CHD9: variants seen among roughly 807,000 people sequenced by gnomAD.
CHD9 encodes chromodomain helicase DNA binding protein 9.
A neutral mutation model predicts 316.1 loss-of-function variants in CHD9; 77 were observed. The ratio of observed to expected loss-of-function variants is 0.24; its 90% CI spans 0.20 to 0.29. The LOEUF (loss-of-function observed/expected upper bound fraction) is 0.29, where lower values mean the gene tolerates loss of function less well. Ranked by LOEUF, CHD9 falls within the 10% of genes least tolerant of loss-of-function variation. CHD9 has a pLI of 1.00. For missense variants in CHD9, 2,763 were observed against 3,438.1 expected (o/e 0.80, Z 4.91); for synonymous variants, 1,129 against 1,158.3 (o/e 0.97, Z 0.51).
At chr16:53,068,214 AG>A (rs750111237) in intron 1 of CHD9, among the ~76,000 whole-genome samples, 2 of 152,152 alleles carry the variant, frequency 1.3e-5, no homozygotes, top group South Asian at 4.1e-4. Flanking sequence ...CTGCTGCTTA[AG>A]GTTATTAAAT....
At chr16:53,237,768 A>G (rs1353333094) in intron 11 of CHD9, among the ~76,000 whole-genome samples, 6 of 152,072 alleles carry the variant, frequency 3.9e-5, no homozygotes, top group Non-Finnish European at 7.4e-5. Flanking sequence ...CTTATTTTTG[A>G]AATTATAGCT....
rs553015728 is a variant in CHD9, at chr16:53,073,896, G to A, written c.-165+18819G>A. Among the ~76,000 whole-genome samples the A allele has an allele frequency of 1.1e-4, 17 of 152,252 alleles. No individual in the cohort carries two copies. The South Asian group carries it at 2.5e-3, about 22-fold the overall frequency. On this transcript the variant is annotated intron_variant, in intron 1 of 38. Coordinates refer to ENST00000447540, the MANE Select transcript of CHD9 (RefSeq NM_001308319.2). Reference sequence around the variant, plus strand: ...TAAATTGGTACCAGTAGAGTGGGGCGCTGCTGAAAAGATACCCAAAAATGT... The same window carrying A: ...TAAATTGGTACCAGTAGAGTGGGGCACTGCTGAAAAGATACCCAAAAATGT...
chr16:53,070,489 T>TTTCC (rs61654246), intron 1 of CHD9, among the ~76,000 whole-genome samples: 3,374 of 144,646 alleles, frequency 0.023, 57 homozygotes, highest in Non-Finnish European at 0.027. Flanking sequence ...TCTTTCTTTC[T>TTTCC]TTCCTTCCTT....
At chr16:53,222,473 A>G (rs890077670) in intron 3 of CHD9, among the ~76,000 whole-genome samples, 171 bp from the exon 4 acceptor site, 1 of 152,220 alleles carries the variant, frequency 6.6e-6, no homozygotes, top group African/African-American at 2.4e-5. Flanking sequence ...TTCCATTAGA[A>G]TAGAGTTTAT....
intron 1 of CHD9, among the ~76,000 whole-genome samples, chr16:53,087,314 G>A (rs1458308776): frequency 2.6e-5 from 4 of 152,090 alleles, no homozygotes; most frequent in Admixed American, 6.6e-5. Context: ...AGAGAACACC[G>A]GTGAATTATG....
At chr16:53,162,265 A>C (rs1373813137) in intron 2 of CHD9, among the ~76,000 whole-genome samples, 6 of 152,154 alleles carry the variant, frequency 3.9e-5, no homozygotes, top group Non-Finnish European at 8.8e-5. Context: ...TGTTGGGAGG[A>C]GGAAGAAAAA....
chr16:53,061,276 C>A (rs1446976164), intron 1 of CHD9, among the ~76,000 whole-genome samples: 2 of 152,138 alleles, frequency 1.3e-5, no homozygotes, highest in Non-Finnish European at 2.9e-5. Context: ...GACAGACACA[C>A]AAAAGGAATA....
chr16:53,231,629 G>T lies in CHD9; in HGVS notation c.2374-18G>T. 1 of 1,544,806 alleles carries T rather than the reference G, an allele frequency of 6.5e-7. No homozygotes were observed. The highest frequency in any genetic ancestry group is 8.8e-7 in the Non-Finnish European group (1 of 1,140,346). On this transcript the variant is annotated intron_variant, in intron 9 of 38. Transcript: ENST00000447540. ...TAGTGTCTTTTTCAAAATGGTAAAT[G>T]AAAAAATTTTTTTACAGCCTGTTAT...
intron 1 of CHD9, among the ~76,000 whole-genome samples, chr16:53,147,377 G>T (rs1450202643): frequency 6.6e-6 from 1 of 152,180 alleles, no homozygotes; most frequent in Non-Finnish European, 1.5e-5. Context: ...TTGACAAAAT[G>T]TGCTACTTTA....
At chr16:53,280,181 A>G (rs1001866875) in intron 24 of CHD9, among the ~76,000 whole-genome samples, 3 of 152,192 alleles carry the variant, frequency 2.0e-5, no homozygotes, top group African/African-American at 4.8e-5. Flanking sequence ...GTATTTACCC[A>G]GAGGAAAAGA....
chr16:53,287,873 A>G, intron 26 of CHD9, 84 bp from the exon 27 acceptor site: 2 of 1,134,392 alleles, frequency 1.8e-6, no homozygotes, highest in Non-Finnish European at 2.7e-6. Context: ...AAAACAAACT[A>G]AAACCCTCCA....
chr16:53,215,537 G>A (rs2046685572), intron 3 of CHD9, among the ~76,000 whole-genome samples: 1 of 152,200 alleles, frequency 6.6e-6, no homozygotes, highest in African/African-American at 2.4e-5. Context: ...GTGTGTATGT[G>A]TGTGTGTGTT....
At chr16:53,236,179 G>A (rs1259360193) in intron 11 of CHD9, among the ~76,000 whole-genome samples, 1 of 151,976 alleles carries the variant, frequency 6.6e-6, no homozygotes, top group African/African-American at 2.4e-5. Flanking sequence ...TTTTTAACTT[G>A]TCTTCCCTCA....
At chr16:53,320,477 G>A (rs895420356) in intron 37 of CHD9, among the ~76,000 whole-genome samples, 3 of 152,104 alleles carry the variant, frequency 2.0e-5, no homozygotes, top group South Asian at 2.1e-4. Flanking sequence ...AGCCAAGATC[G>A]TGCCACTACA....
intron 2 of CHD9, among the ~76,000 whole-genome samples, chr16:53,179,876 G>A (rs1177311245): frequency 1.3e-5 from 2 of 149,988 alleles, no homozygotes; most frequent in Admixed American, 6.6e-5. Context: ...TACCCTGGGC[G>A]ACGGAGTGAG....
chr16:53,296,905 A>G, intron 29 of CHD9, 51 bp from the exon 30 acceptor site: 2 of 1,178,982 alleles, frequency 1.7e-6, no homozygotes, highest in Non-Finnish European at 2.5e-6. Context: ...TAGTATTAAT[A>G]TTAATTTTAG....
chr16:53,238,622 G>A, intron 12 of CHD9, 36 bp downstream of exon 12: 3 of 1,600,584 alleles, frequency 1.9e-6, no homozygotes, highest in Non-Finnish European at 2.6e-6. Context: ...TGTTTGAAAG[G>A]TCAGGGCTGA....
intron 2 of CHD9, among the ~76,000 whole-genome samples, chr16:53,181,358 G>A (rs2043505379): frequency 6.6e-6 from 1 of 151,978 alleles, no homozygotes; most frequent in Admixed American, 6.6e-5. Flanking sequence ...ACTTTTGATT[G>A]AAGGTGAGAA....
At chr16:53,141,375 G>A (rs986162036) in intron 1 of CHD9, among the ~76,000 whole-genome samples, 1 of 152,142 alleles carries the variant, frequency 6.6e-6, no homozygotes, top group African/African-American at 2.4e-5. Context: ...GATGAAAATA[G>A]GATTCTTTCA....
Sources: gnomAD v4.1 joint callset for allele counts (sites outside exome capture counted in the v4.1 genomes callset) on GRCh38, gnomAD v4.1.1 for gene constraint, MANE v1.5 for transcripts, NCBI Gene and HGNC (gene_info 2026-07-23, HGNC 2026-07-21) for gene names.